TBK1: variants seen among roughly 807,000 people sequenced by gnomAD.
TBK1 encodes serine/threonine-protein kinase TBK1.
A neutral mutation model predicts 99.9 loss-of-function variants in TBK1; 37 were observed. The ratio of observed to expected loss-of-function variants is 0.37; its 90% CI spans 0.28 to 0.49. TBK1 has a LOEUF of 0.49. Ranked by LOEUF, TBK1 falls within the 20% of genes least tolerant of loss-of-function variation. The pLI is 0.98. For synonymous variants in TBK1, 258 were observed against 279.8 expected (o/e 0.92, Z 0.78); for missense variants, 644 against 872.5 (o/e 0.74, Z 3.30).
rs202056661 is a variant in TBK1, at chr12:64,460,209, T to C, written c.108T>C (p.Ala36=). 109 of 1,524,618 alleles carry C rather than the reference T, an allele frequency of 7.1e-5. No individual in the cohort carries two copies. The highest frequency in any genetic ancestry group is 3.5e-5 in the Non-Finnish European group (39 of 1,129,026). 94.4% of individuals were successfully genotyped at this position (1,524,618 alleles called of 1,614,324 possible). Residue 36 remains alanine, a synonymous_variant, in exon 3 of 21, where the codon GCT becomes GCC. Coordinates refer to ENST00000331710, the MANE Select transcript of TBK1 (RefSeq NM_013254.4). ...TAAAGAAAACTGGTGATTTATTTGC[T>C]ATCAAAGTATTTAATAACATAAGCT... ...GRHKKTGDLF[A]IKVFNNISFL...
At chr12:64,454,891 A>G (rs1455319876) in intron 1 of TBK1, among the ~76,000 whole-genome samples, 7 of 144,114 alleles carry the variant, frequency 4.9e-5, no homozygotes, top group South Asian at 2.3e-4. Context: ...GTTATCCAGG[A>G]TGGTCTCAAT....
chr12:64,488,390 T>TTC, intron 11 of TBK1, 97 bp from the exon 12 acceptor site: 1 of 603,104 alleles, frequency 1.7e-6, no homozygotes, highest in Non-Finnish European at 2.8e-6. Flanking sequence ...AATATTGTTA[T>TTC]AAAATGTTTT....
At position 64,484,010 on chromosome 12, in the gene TBK1, T is replaced by TACACACAC. The variant is rs71092971; in HGVS notation, c.993-261_993-254dup. On this transcript the variant is annotated intron_variant, in intron 8 of 20. Coordinates refer to ENST00000331710, the MANE Select transcript of TBK1 (RefSeq NM_013254.4). ...CAACAGAGCGAAACTCTGTCTCACA[T>TACACACAC]ACACACACACACACACACACACACA... The TACACACAC allele has an allele frequency of 6.3e-3, 978 of 155,150 alleles. 9 individuals are homozygous for TACACACAC. Among genetic ancestry groups the TACACACAC allele is most frequent in the African/African-American group, 0.019 (724 of 38,650 alleles). The allele number at this position is 155,150 out of a possible 1,614,324, so 9.6% of individuals were successfully genotyped here.
intron 6 of TBK1, among the ~76,000 whole-genome samples, chr12:64,476,423 G>T (rs1365841388): frequency 6.6e-6 from 1 of 152,066 alleles, no homozygotes; most frequent in Non-Finnish European, 1.5e-5. Context: ...CTCCCAGAGT[G>T]CTAGGATCAC....
intron 3 of TBK1, 126 bp downstream of exon 3, chr12:64,460,455 C>T: frequency 1.6e-6 from 1 of 610,744 alleles, no homozygotes; most frequent in Non-Finnish European, 2.6e-6. Flanking sequence ...AATACTTTAT[C>T]CTAAAGGATT....
rs11358053 is a variant in TBK1, at chr12:64,454,672, C to CTTTT, written c.-31-1149_-31-1146dup. On this transcript the variant is annotated intron_variant, in intron 1 of 20. Transcript: ENST00000331710. Reference sequence around the variant, plus strand: ...CTTGAATATTGCTAGAAACTCAGATCTTTTTTTTTTTTTTTTTTTTTTGAG... The same window carrying CTTTT: ...CTTGAATATTGCTAGAAACTCAGATCTTTTTTTTTTTTTTTTTTTTTTTTTTGAG... 3.0e-3 allele frequency among the ~76,000 whole-genome samples: 250 copies of CTTTT among 83,636 alleles called. 3 individuals carry two copies. Among genetic ancestry groups the CTTTT allele is most frequent in the East Asian group, 5.3e-3 (13 of 2,476 alleles). The allele number at this position is 83,636 out of a possible 152,430, so 54.9% of individuals were successfully genotyped here. A position where few individuals can be genotyped will look rare whatever the true frequency, so the allele number is the denominator to read the frequency against.
At chr12:64,491,693 G>T (rs188491113) in intron 13 of TBK1, among the ~76,000 whole-genome samples, 1,550 of 152,084 alleles carry the variant, frequency 0.01, 13 homozygotes, top group Non-Finnish European at 0.014. Flanking sequence ...TTCATAAAAT[G>T]GATGTTAAAT....
At chr12:64,455,796 G>A (rs1592350694) in intron 1 of TBK1, 44 bp from the exon 2 acceptor site, 1 of 992,234 alleles carries the variant, frequency 1.0e-6, no homozygotes, top group Non-Finnish European at 1.5e-6. Flanking sequence ...TCTTAGCTGT[G>A]TTACTCCCTT....
In TBK1 at chr12:64,497,632, T is replaced by TC; in HGVS notation, c.1960-16_1960-15insC. The TC allele has an allele frequency of 6.7e-7, 1 of 1,484,482 alleles. No individual in the cohort carries two copies. Among genetic ancestry groups the TC allele is most frequent in the Non-Finnish European group, 9.1e-7 (1 of 1,099,410 alleles). 92.0% of individuals were successfully genotyped at this position (1,484,482 alleles called of 1,614,324 possible). Reference sequence around the variant, plus strand: ...TGTGGGGTTTTTTTCTTTTTTTTTTTTTTTTGATGTTTCAGTTACAAGAAA... The same window carrying TC: ...TGTGGGGTTTTTTTCTTTTTTTTTTTCTTTTTGATGTTTCAGTTACAAGAAA... On this transcript the variant is annotated splice_polypyrimidine_tract_variant and intron_variant, in intron 18 of 20. Transcript: ENST00000331710.
intron 12 of TBK1, among the ~76,000 whole-genome samples, chr12:64,489,148 A>G (rs2040845530): frequency 6.6e-6 from 1 of 152,218 alleles, no homozygotes; most frequent in Non-Finnish European, 1.5e-5. Context: ...AAAACATCTC[A>G]TTTCTATCTT....
chr12:64,490,841 G>A (rs1565822533), intron 13 of TBK1, among the ~76,000 whole-genome samples: 1 of 151,132 alleles, frequency 6.6e-6, no homozygotes, highest in Non-Finnish European at 1.5e-5. Context: ...AGAATTGCTT[G>A]AACCCAGGAA....
At chr12:64,499,037 CTTTTTTTT>C (rs763709411) in intron 20 of TBK1, among the ~76,000 whole-genome samples, 14 of 79,258 alleles carry the variant, frequency 1.8e-4, no homozygotes, top group African/African-American at 6.8e-4. Flanking sequence ...TAATTTTATT[CTTTTTTTT>C]TTTTTTTTTT....
Position 64,486,027 on chromosome 12 carries a change from A to G in TBK1, c.1340+10A>G. 6.4e-7 allele frequency: 1 copy of G among 1,554,100 alleles called. No homozygotes were observed. Among genetic ancestry groups the G allele is most frequent in the East Asian group, 2.4e-5 (1 of 41,154 alleles). On this transcript the variant is annotated intron_variant, in intron 11 of 20. Transcript: ENST00000331710. Reference sequence around the variant, plus strand: ...GGATACGATGGCTGATGTAAGTAATAGATTGAAATTTTGAAATTGATTTTC... The same window carrying G: ...GGATACGATGGCTGATGTAAGTAATGGATTGAAATTTTGAAATTGATTTTC...
chr12:64,463,857 G>GTTTT (rs372307706), intron 3 of TBK1, among the ~76,000 whole-genome samples: 1 of 122,846 alleles, frequency 8.1e-6, no homozygotes, highest in Non-Finnish European at 1.7e-5. Context: ...GAAAATGTTA[G>GTTTT]TTTTTTTTTT....
At chr12:64,475,789 A>G (rs1242161583) in intron 6 of TBK1, among the ~76,000 whole-genome samples, 2 of 152,114 alleles carry the variant, frequency 1.3e-5, no homozygotes, top group African/African-American at 2.4e-5. Context: ...GATTGATTCT[A>G]TGTGTTTGCT....
At chr12:64,486,931 C>T (rs1029634555) in intron 11 of TBK1, among the ~76,000 whole-genome samples, 1 of 152,054 alleles carries the variant, frequency 6.6e-6, no homozygotes, top group Non-Finnish European at 1.5e-5. Context: ...ATACTGTTTG[C>T]CTGTTCCAGA....
chr12:64,488,487 T>C lies in TBK1; in HGVS notation c.1341T>C (p.Ile447=), dbSNP rs2040839151. The change falls in exon 12 of 21, where the codon ATT becomes ATC. Residue 447 remains isoleucine (I), a splice_region_variant and synonymous_variant. Coordinates refer to ENST00000331710, the MANE Select transcript of TBK1 (RefSeq NM_013254.4). ...AATTAGAATAATTTTCTTTTTTTAG[T>C]GAATTAATTAAAGATGATTACAATG... The part of the protein sequence containing the change: ...ELMRKGIRWL[I]ELIKDDYNET... The C allele has an allele frequency of 1.3e-6, 2 of 1,548,160 alleles. No individual in the cohort carries two copies. The highest frequency in any genetic ancestry group is 4.6e-5 in the East Asian group (2 of 43,182).
At chr12:64,484,964 G>A (rs1258930223) in intron 9 of TBK1, among the ~76,000 whole-genome samples, 1 of 152,002 alleles carries the variant, frequency 6.6e-6, no homozygotes, top group Non-Finnish European at 1.5e-5. Context: ...TTTGTCATAC[G>A]TTTCACTGTA....
intron 17 of TBK1, 45 bp from the exon 18 acceptor site, chr12:64,497,118 A>T: frequency 6.3e-7 from 1 of 1,576,034 alleles, no homozygotes; most frequent in Non-Finnish European, 8.7e-7. Context: ...TGAAGTAAGA[A>T]TGCTTCACTA....
Sources: gnomAD v4.1 joint callset for allele counts (sites outside exome capture counted in the v4.1 genomes callset) on GRCh38, gnomAD v4.1.1 for gene constraint, MANE v1.5 for transcripts, NCBI Gene and HGNC (gene_info 2026-07-23, HGNC 2026-07-21) for gene names.